GRIA1: variants seen among roughly 807,000 people sequenced by gnomAD.
The protein encoded by GRIA1 is glutamate ionotropic receptor AMPA type subunit 1, also known as glutamate receptor 1.
GRIA1 carries 31 observed loss-of-function variants against 99.2 expected under a neutral mutation model. The observed-to-expected ratio is 0.31, with a 90% CI of 0.23 to 0.42. GRIA1 has a LOEUF of 0.42. GRIA1 is among the 10% of genes least tolerant of loss of function. The probability of loss-of-function intolerance (pLI) is 1.00; values close to 1 mark genes in which losing one functional copy is unlikely to be tolerated. For missense variants in GRIA1, 782 were observed against 1,157.5 expected, an observed-to-expected ratio of 0.68 and a Z score of 4.71; for synonymous variants, 438 against 432.4, an observed-to-expected ratio of 1.01 and a Z score of -0.16.
intron 2 of GRIA1, among the ~76,000 whole-genome samples, chr5:153,568,392 C>A (rs1761835968): frequency 6.6e-6 from 1 of 152,324 alleles, no homozygotes; most frequent in Non-Finnish European, 1.5e-5. Context: ...GAATTAAAAT[C>A]TGTGCCTTGA....
chr5:153,540,340 A>G (rs1445679125), intron 2 of GRIA1, among the ~76,000 whole-genome samples: 1 of 152,194 alleles, frequency 6.6e-6, no homozygotes, highest in Non-Finnish European at 1.5e-5. Flanking sequence ...TCTGGCTTGG[A>G]TTAACTCTTC....
rs80299894 is a variant in GRIA1 at position 153,668,912 on chromosome 5, A to T, written c.700-5588A>T. On this transcript the variant is annotated intron_variant, in intron 5 of 15. Transcript: ENST00000285900. ...TCCCTCTTTGTCTGGAGCAATCTTGACACACCATCCTAAAGCTAAAGTCAT... is the reference window on the plus strand; with the variant it reads ...TCCCTCTTTGTCTGGAGCAATCTTGTCACACCATCCTAAAGCTAAAGTCAT... Among the ~76,000 whole-genome samples, 57 of 152,352 alleles carry T rather than the reference A, an allele frequency of 3.7e-4. No homozygotes were observed. In the East Asian group the frequency reaches 0.01, roughly 27 times the overall value.
At chr5:153,537,204 G>A (rs968029175) in intron 2 of GRIA1, among the ~76,000 whole-genome samples, 1 of 152,182 alleles carries the variant, frequency 6.6e-6, no homozygotes, top group Non-Finnish European at 1.5e-5. Flanking sequence ...AAGAGATGAT[G>A]TCTGCTCTCC....
intron 12 of GRIA1, among the ~76,000 whole-genome samples, chr5:153,765,075 T>TG (rs900953839): frequency 1.3e-5 from 2 of 150,940 alleles, no homozygotes; most frequent in African/African-American, 2.4e-5. Context: ...GGATAGTATA[T>TG]GGGAAAAAAA....
At chr5:153,506,790 T>A (rs563874135) in intron 2 of GRIA1, among the ~76,000 whole-genome samples, 1 of 152,320 alleles carries the variant, frequency 6.6e-6, no homozygotes, top group South Asian at 2.1e-4. Flanking sequence ...TACACTGCAC[T>A]TACTAGCTCT....
At position 153,739,937 on chromosome 5, in the gene GRIA1, C is replaced by G. The variant is rs143448725; in HGVS notation, c.1824-24497C>G. 6.7e-3 allele frequency among the ~76,000 whole-genome samples: 1,020 copies of G among 152,324 alleles called. 14 individuals carry two copies. Among genetic ancestry groups the G allele is most frequent in the African/African-American group, 0.023 (971 of 41,566 alleles). On this transcript the variant is annotated intron_variant, in intron 11 of 15. Transcript: ENST00000285900. ...AACAAAAAGAAAGTAAGAAAGTACTCTAGCCATTTCCATTATGATTTATGA... is the reference window on the plus strand; with the variant it reads ...AACAAAAAGAAAGTAAGAAAGTACTGTAGCCATTTCCATTATGATTTATGA...
chr5:153,776,766 G>A (rs1764280696), intron 13 of GRIA1, among the ~76,000 whole-genome samples: 1 of 152,282 alleles, frequency 6.6e-6, no homozygotes, highest in Non-Finnish European at 1.5e-5. Flanking sequence ...CTATGAGTCG[G>A]GAAGAGGTAT....
At chr5:153,705,560 C>T in intron 10 of GRIA1, 137 bp from the exon 11 acceptor site, 1 of 1,139,474 alleles carries the variant, frequency 8.8e-7, no homozygotes, top group Non-Finnish European at 1.2e-6. Context: ...AGGGGTTGGA[C>T]TTCAAAGGTT....
intron 11 of GRIA1, among the ~76,000 whole-genome samples, chr5:153,757,387 G>A (rs2149598158): frequency 6.6e-6 from 1 of 152,220 alleles, no homozygotes; most frequent in South Asian, 2.1e-4. Flanking sequence ...CTTATGCAAA[G>A]AAATAACAGA....
intron 2 of GRIA1, among the ~76,000 whole-genome samples, chr5:153,577,113 A>G (rs1762625895): frequency 1.6e-5 from 2 of 124,004 alleles, no homozygotes; most frequent in Non-Finnish European, 3.3e-5. Context: ...TGGATGGATA[A>G]GTGGGTAGAT....
At chr5:153,722,549 A>G (rs1002000610) in intron 11 of GRIA1, among the ~76,000 whole-genome samples, 1 of 152,186 alleles carries the variant, frequency 6.6e-6, no homozygotes, top group Non-Finnish European at 1.5e-5. Flanking sequence ...TTGAACTTGC[A>G]TGATTTATTT....
rs973114589 is a variant in GRIA1 at position 153,812,579 on chromosome 5, T to C, written c.*1354T>C. 8 of 152,352 alleles carry C rather than the reference T, an allele frequency of 5.3e-5. No individual in the cohort carries two copies. Among genetic ancestry groups the C allele is most frequent in the Admixed American group, 1.3e-4 (2 of 15,306 alleles). The allele number at this position is 152,352 out of a possible 1,614,324, so 9.4% of individuals were successfully genotyped here. ...TGACATTTAGGGCAACTTAAGACCT[T>C]TGATCCCAGGTTCTAACTCAAAGAG... On this transcript the variant is annotated 3_prime_UTR_variant, in exon 16 of 16. Transcript: ENST00000285900.
intron 3 of GRIA1, among the ~76,000 whole-genome samples, chr5:153,648,563 A>G (rs1414199069): frequency 2.0e-5 from 3 of 152,184 alleles, no homozygotes; most frequent in Non-Finnish European, 4.4e-5. Flanking sequence ...ATCTACCTTG[A>G]AAGATTAAGT....
Position 153,650,526 on chromosome 5 carries a change from A to C in GRIA1, c.645+12A>C, listed in dbSNP as rs369686200. 7 of 1,612,714 alleles carry C rather than the reference A, an allele frequency of 4.3e-6. No homozygotes were observed. Among genetic ancestry groups the C allele is most frequent in the Non-Finnish European group, 5.9e-6 (7 of 1,179,198 alleles). ...CTATCTTGGGCCAGGTAGTGAAAGC[A>C]GCAAGGGCTCAGGGTGGGTGCGGGA... is the stretch of plus-strand genomic sequence containing the variant. On this transcript the variant is annotated intron_variant, in intron 4 of 15. Transcript: ENST00000285900.
intron 2 of GRIA1, among the ~76,000 whole-genome samples, chr5:153,576,635 A>G (rs922767936): frequency 6.6e-6 from 1 of 152,200 alleles, no homozygotes; most frequent in East Asian, 1.9e-4. Context: ...AAATATATAT[A>G]TTGTTAAAAA....
chr5:153,656,554 A>T (rs73278137), intron 5 of GRIA1, among the ~76,000 whole-genome samples: 1 of 151,608 alleles, frequency 6.6e-6, no homozygotes, highest in African/African-American at 2.4e-5. Flanking sequence ...TTTTGTAACC[A>T]TTATTTCTGT....
chr5:153,773,818 T>A (rs895005918), intron 13 of GRIA1, among the ~76,000 whole-genome samples: 8 of 152,106 alleles, frequency 5.3e-5, no homozygotes, highest in Non-Finnish European at 1.0e-4. Flanking sequence ...TTCTCTCCAG[T>A]GCAAACCTGA....
chr5:153,521,623 A>C (rs1757152119), intron 2 of GRIA1, among the ~76,000 whole-genome samples: 1 of 152,174 alleles, frequency 6.6e-6, no homozygotes, highest in African/African-American at 2.4e-5. Context: ...TCAGGGGACC[A>C]ATTTGCTTCC....
At chr5:153,672,404 C>A (rs907097054) in intron 5 of GRIA1, among the ~76,000 whole-genome samples, 1 of 152,104 alleles carries the variant, frequency 6.6e-6, no homozygotes, top group Non-Finnish European at 1.5e-5. Context: ...TACAACAGGG[C>A]AAGAACTAGT....
Sources: allele counts gnomAD v4.1 joint callset (sites outside exome capture counted in the v4.1 genomes callset), GRCh38; gene constraint gnomAD v4.1.1; transcripts MANE v1.5; gene names NCBI Gene and HGNC (gene_info 2026-07-23, HGNC 2026-07-21).